The following CAPRIN1 variants were observed in gnomAD, a reference collection of about 807,000 sequenced individuals.
CAPRIN1 encodes cell cycle associated protein 1.
In CAPRIN1, 29 loss-of-function variants were observed where a neutral mutation model predicts 100.9. The observed-to-expected ratio is 0.29, with a 90% CI of 0.21 to 0.39. The LOEUF is 0.39. CAPRIN1 is among the 10% of genes least tolerant of loss of function. The pLI, the probability that CAPRIN1 is intolerant of heterozygous loss-of-function variation, is 1.00. For synonymous variants in CAPRIN1, 338 were observed against 307.5 expected, an observed-to-expected ratio of 1.10 and a Z score of -1.04; for missense variants, 795 against 876.7, an observed-to-expected ratio of 0.91 and a Z score of 1.18.
intron 11 of CAPRIN1, 147 bp downstream of exon 11, chr11:34,086,560 T>C (rs899675512): frequency 3.5e-6 from 2 of 566,794 alleles, no homozygotes; most frequent in African/African-American, 1.9e-5. Context: ...AAGAATGTTA[T>C]TGTTCCTATG....
At chr11:34,085,980 G>A in intron 9 of CAPRIN1, 84 bp from the exon 10 acceptor site, 1 of 1,060,904 alleles carries the variant, frequency 9.4e-7, no homozygotes, top group South Asian at 1.5e-5. Flanking sequence ...GATGGTTTAT[G>A]TAGTGTGGGG....
intron 4 of CAPRIN1, among the ~76,000 whole-genome samples, chr11:34,072,886 C>T (rs958175166): frequency 1.3e-5 from 2 of 152,088 alleles, no homozygotes; most frequent in African/African-American, 4.8e-5. Context: ...TTCTGTGTTT[C>T]GATATATAAA....
chr11:34,056,024 T>G (rs1850442803), intron 2 of CAPRIN1, among the ~76,000 whole-genome samples: 2 of 152,244 alleles, frequency 1.3e-5, no homozygotes, highest in Non-Finnish European at 2.9e-5. Flanking sequence ...AAGACTTAAC[T>G]GTTTTTAAGT....
At chr11:34,055,525 C>T (rs1241934166) in intron 2 of CAPRIN1, among the ~76,000 whole-genome samples, 1 of 152,140 alleles carries the variant, frequency 6.6e-6, no homozygotes, top group Non-Finnish European at 1.5e-5. Context: ...ACAGGTTTTA[C>T]CTTGTTGGTC....
chr11:34,098,186 C>CT, intron 18 of CAPRIN1: 1 of 996,358 alleles, frequency 1.0e-6, no homozygotes, highest in Non-Finnish European at 1.2e-6. Flanking sequence ...GCCAGACACC[C>CT]TTTAATGGCC....
intron 7 of CAPRIN1, among the ~76,000 whole-genome samples, chr11:34,080,947 A>G (rs574479170): frequency 2.0e-5 from 3 of 152,340 alleles, no homozygotes; most frequent in Non-Finnish European, 2.9e-5. Flanking sequence ...TTTACTAAGT[A>G]AAGTAAGATT....
intron 2 of CAPRIN1, chr11:34,053,061 CT>C: frequency 9.7e-7 from 1 of 1,030,650 alleles, no homozygotes; most frequent in Non-Finnish European, 1.2e-6. Context: ...AACCGACCGC[CT>C]CGTGGAGTTG....
At chr11:34,076,883 C>T (rs773377688) in intron 6 of CAPRIN1, among the ~76,000 whole-genome samples, 1 of 151,780 alleles carries the variant, frequency 6.6e-6, no homozygotes, top group African/African-American at 2.4e-5. Flanking sequence ...TACAGGCATG[C>T]GCCACCACGC....
intron 2 of CAPRIN1, among the ~76,000 whole-genome samples, chr11:34,068,900 G>C (rs1362410974): frequency 6.6e-6 from 1 of 151,990 alleles, no homozygotes; most frequent in Admixed American, 6.6e-5. Context: ...AGGGATGTAT[G>C]GTGTATTTCT....
At chr11:34,066,136 C>G (rs192134715) in intron 2 of CAPRIN1, among the ~76,000 whole-genome samples, 1 of 151,772 alleles carries the variant, frequency 6.6e-6, no homozygotes, top group Admixed American at 6.6e-5. Flanking sequence ...CCACCAGGCC[C>G]GGCTACTTTT....
Position 34,090,223 on chromosome 11 carries a change from A to C in CAPRIN1, c.1338A>C (p.Gln446His). The C allele has an allele frequency of 1.9e-6, 3 of 1,613,912 alleles. No individual in the cohort carries two copies. The highest frequency in any genetic ancestry group is 1.7e-6 in the Non-Finnish European group (2 of 1,179,856). Residue 446 changes from glutamine to histidine, a missense_variant, in exon 13 of 19, where the codon CAA (glutamine) becomes CAC (histidine). Physicochemically the swap from Gln to His is conservative, Grantham distance 24. Coordinates refer to ENST00000341394, the MANE Select transcript of CAPRIN1 (RefSeq NM_005898.5). The stretch of plus-strand genomic sequence containing the variant: ...CAAGTGAGGGGTACACAGCATCTCA[A>C]CCCTTGTACCAGCCTTCTCATGCTA... Reference protein sequence around the residue: ...SSTSEGYTASQPLYQPSHATE... With the variant: ...SSTSEGYTASHPLYQPSHATE...
At chr11:34,052,241 G>A (rs1850327426) in intron 1 of CAPRIN1, 180 bp from the exon 2 acceptor site, 2 of 168,166 alleles carry the variant, frequency 1.2e-5, no homozygotes, top group Middle Eastern at 1.7e-3. Flanking sequence ...CCCGCTGGCG[G>A]GTCGCGCGCG....
Position 34,052,642 on chromosome 11 carries a change from A to G in CAPRIN1, c.216+6A>G, listed in dbSNP as rs959825109. On this transcript the variant is annotated splice_donor_region_variant and intron_variant, in intron 2 of 18. Transcript: ENST00000341394. ...GGAACCTGGAGAAGAAAAAGGTGCCAGGAGTTGGCGGGGAAGGGAGGGGTG... is the reference window on the plus strand; with the variant it reads ...GGAACCTGGAGAAGAAAAAGGTGCCGGGAGTTGGCGGGGAAGGGAGGGGTG... The G allele has an allele frequency of 6.2e-7, 1 of 1,602,286 alleles. No homozygotes were observed. Among genetic ancestry groups the G allele is most frequent in the Non-Finnish European group, 8.5e-7 (1 of 1,174,796 alleles).
intron 16 of CAPRIN1, 92 bp downstream of exon 16, chr11:34,096,765 A>T: frequency 1.1e-6 from 1 of 880,192 alleles, no homozygotes; most frequent in Non-Finnish European, 1.7e-6. Context: ...TTTGGGAAGG[A>T]TGTATCTGCA....
chr11:34,092,393 G>T (rs1020625438), intron 15 of CAPRIN1, among the ~76,000 whole-genome samples: 4 of 142,804 alleles, frequency 2.8e-5, no homozygotes, highest in Non-Finnish European at 6.0e-5. Flanking sequence ...GTCTCACTCT[G>T]TCACCCAGGC....
chr11:34,091,727 A>G (rs1851269151), intron 14 of CAPRIN1, 179 bp from the exon 15 acceptor site: 9 of 587,378 alleles, frequency 1.5e-5, no homozygotes, highest in Middle Eastern at 4.5e-4. Context: ...TATGGTATAT[A>G]TGTCTTTTTC....
At chr11:34,077,560 C>T (rs1032638282) in intron 6 of CAPRIN1, among the ~76,000 whole-genome samples, 7 of 152,056 alleles carry the variant, frequency 4.6e-5, no homozygotes, top group African/African-American at 7.2e-5. Flanking sequence ...TAGGAATTTA[C>T]GTTTTTAGCC....
At chr11:34,054,220 A>AT (rs1850398663) in intron 2 of CAPRIN1, among the ~76,000 whole-genome samples, 1 of 141,766 alleles carries the variant, frequency 7.1e-6, no homozygotes, top group African/African-American at 2.4e-5. Flanking sequence ...TGGACTTGGG[A>AT]TTTCTTTTTT....
chr11:34,083,503 C>T (rs563946645), intron 9 of CAPRIN1, among the ~76,000 whole-genome samples: 83 of 152,314 alleles, frequency 5.4e-4, no homozygotes, highest in African/African-American at 1.9e-3. Context: ...CAGTGACTCT[C>T]TTCATATTAC....
Sources: allele counts gnomAD v4.1 joint callset (sites outside exome capture counted in the v4.1 genomes callset), GRCh38; gene constraint gnomAD v4.1.1; transcripts MANE v1.5; gene names NCBI Gene and HGNC (gene_info 2026-07-23, HGNC 2026-07-21).